MTOR: variants seen among roughly 807,000 people sequenced by gnomAD.
MTOR encodes serine/threonine-protein kinase mTOR.
MTOR carries 70 observed loss-of-function variants against 319.8 expected under a neutral mutation model. That is an observed-to-expected ratio of 0.22 (90% CI 0.18 to 0.27). The LOEUF is 0.27. Ranked by LOEUF, MTOR falls within the 10% of genes least tolerant of loss-of-function variation. The pLI is 1.00. For missense variants in MTOR, 1,890 were observed against 3,274.4 expected, an observed-to-expected ratio of 0.58 and a Z score of 10.32; for synonymous variants, 1,183 against 1,211.4, an observed-to-expected ratio of 0.98 and a Z score of 0.49.
chr1:11,116,978 TAAAA>T, intron 50 of MTOR, 22 bp downstream of exon 50: 1 of 1,568,134 alleles, frequency 6.4e-7, no homozygotes, highest in Non-Finnish European at 8.7e-7. Flanking sequence ...GAAAGAAGAC[TAAAA>T]AAACCAAATT....
intron 2 of MTOR, among the ~76,000 whole-genome samples, chr1:11,258,859 G>A (rs941760105): frequency 5.9e-5 from 9 of 152,150 alleles, no homozygotes; most frequent in African/African-American, 1.7e-4. Flanking sequence ...GGGATAAAAG[G>A]AGAAACAAGA....
chr1:11,133,890 A>AG lies in MTOR; in HGVS notation c.5246+460dup, dbSNP rs1392560866. Among the ~76,000 whole-genome samples, 1 of 152,118 alleles carries AG rather than the reference A, an allele frequency of 6.6e-6. No individual in the cohort carries two copies. The highest frequency in any genetic ancestry group is 1.9e-4 in the East Asian group (1 of 5,192). Reference sequence around the variant, plus strand: ...GCCTGGGCAACATTAAACTTGTAGGAGGAAATGCAGGCTCTATGCCTGTTC... The same window carrying AG: ...GCCTGGGCAACATTAAACTTGTAGGAGGGAAATGCAGGCTCTATGCCTGTTC... On this transcript the variant is annotated intron_variant, in intron 37 of 57. Transcript: ENST00000361445. The surrounding 1 kb of genome is among the most constrained non-coding windows in gnomAD (Gnocchi z 4.0).
At chr1:11,231,890 A>ATT (rs879698944) in intron 16 of MTOR, among the ~76,000 whole-genome samples, 1 of 145,846 alleles carries the variant, frequency 6.9e-6, no homozygotes, top group Non-Finnish European at 1.5e-5. Context: ...ATGCCCAGCT[A>ATT]TTTTTTTTTT....
Position 11,245,277 on chromosome 1 carries a change from T to C in MTOR, c.1226-1977A>G, listed in dbSNP as rs572917274. On this transcript the variant is annotated intron_variant, in intron 8 of 57. Coordinates refer to ENST00000361445, the MANE Select transcript of MTOR (RefSeq NM_004958.4). ...GCTTCTTGTCTATTTATTTCTTCTCTTCCATTGATGTTGGTCCCAAGTCCA... is the reference window on the plus strand; with the variant it reads ...GCTTCTTGTCTATTTATTTCTTCTCCTCCATTGATGTTGGTCCCAAGTCCA... Among the ~76,000 whole-genome samples, 5 of 152,332 alleles carry C rather than the reference T, an allele frequency of 3.3e-5. No individual in the cohort carries two copies. The East Asian group carries it at 7.7e-4, about 23-fold the overall frequency.
At position 11,146,472 on chromosome 1, in the gene MTOR, T is replaced by C. The variant is rs373740723; in HGVS notation, c.4686+204A>G. On this transcript the variant is annotated intron_variant, in intron 32 of 57. Transcript: ENST00000361445. ...CGAGACAGTAGCTTCCAGAACACAT[T>C]TGTCCCCCTCAGAACAATAAGTAGC... 3.5e-4 allele frequency among the ~76,000 whole-genome samples: 53 copies of C among 152,214 alleles called. No individual in the cohort carries two copies. In the South Asian group the frequency reaches 8.5e-3, roughly 24 times the overall value.
chr1:11,114,519 G>C (rs1642061151), intron 52 of MTOR, 66 bp from the exon 53 acceptor site: 2 of 1,600,390 alleles, frequency 1.2e-6, no homozygotes, highest in Non-Finnish European at 1.7e-6. Flanking sequence ...AAGCCGAGGG[G>C]GTCTGTTACC....
Position 11,253,882 on chromosome 1 carries a change from A to G in MTOR, c.797T>C (p.Leu266Ser). The G allele has an allele frequency of 6.2e-7, 1 of 1,614,124 alleles. No homozygotes were observed. The change falls in exon 6 of 58, where the codon TTG becomes TCG. Residue 266 changes from leucine to serine, a missense_variant. Physicochemically the swap from Leu to Ser is moderately radical, Grantham distance 145. Around this residue, in one of 15 missense-constraint regions of MTOR, gnomAD observed 418 missense variants for 543.1 expected, o/e 0.77. Transcript: ENST00000361445. ...GATTCGGACCAGCTCGTTAAGGATCAACAAGGCTCCATGGATCCGATCATC... is the reference window on the plus strand; with the variant it reads ...GATTCGGACCAGCTCGTTAAGGATCGACAAGGCTCCATGGATCCGATCATC... ...NRDDRIHGAL[L>S]ILNELVRISS...
intron 19 of MTOR, among the ~76,000 whole-genome samples, chr1:11,216,437 T>C (rs566021816): frequency 2.6e-5 from 4 of 152,112 alleles, no homozygotes; most frequent in Non-Finnish European, 5.9e-5. Context: ...GAGGACTGCT[T>C]GAGGCCAAGA....
At chr1:11,193,571 C>T (rs1645639756) in intron 28 of MTOR, 1 of 1,571,874 alleles carries the variant, frequency 6.4e-7, no homozygotes. Context: ...AGTATCCCCT[C>T]TGCTTCAGGT....
intron 19 of MTOR, among the ~76,000 whole-genome samples, chr1:11,221,046 G>A (rs910050401): frequency 4.6e-5 from 7 of 151,442 alleles, no homozygotes; most frequent in African/African-American, 1.7e-4. Context: ...CCAGGCTGAA[G>A]TGCAGTGGTC....
chr1:11,238,700 A>G (rs970306772), intron 11 of MTOR, 83 bp from the exon 12 acceptor site: 17 of 1,207,714 alleles, frequency 1.4e-5, no homozygotes, highest in Admixed American at 2.3e-5. Flanking sequence ...TGAATTTTCC[A>G]TTTTGAGGCT....
In MTOR at chr1:11,130,636, C is replaced by CGGCCGTGGTGGCGGCAGTGGT. The variant is rs1643098054; in HGVS notation, c.5485_5505dup (p.Thr1829_Ala1835dup). The CGGCCGTGGTGGCGGCAGTGGT allele has an allele frequency of 1.2e-6, 2 of 1,613,658 alleles. No homozygotes were observed. Among genetic ancestry groups the CGGCCGTGGTGGCGGCAGTGGT allele is most frequent in the Admixed American group, 1.7e-5 (1 of 59,962 alleles). The stretch of plus-strand genomic sequence containing the variant: ...GTGCTGGCAGTGGTGGTGGCAGTGG[C>CGGCCGTGGTGGCGGCAGTGGT]GGCCGTGGTGGCGGCAGTGGTGGCG... On this transcript the variant is annotated inframe_insertion, in exon 39 of 58. Coordinates refer to ENST00000361445, the MANE Select transcript of MTOR (RefSeq NM_004958.4).
At chr1:11,161,141 C>T (rs567177749) in intron 29 of MTOR, among the ~76,000 whole-genome samples, 18 of 152,316 alleles carry the variant, frequency 1.2e-4, no homozygotes, top group East Asian at 9.6e-4. Flanking sequence ...GATTATAACC[C>T]GTGCCTGGCT....
chr1:11,262,464 C>G lies in MTOR; in HGVS notation c.-34G>C, dbSNP rs956546674. The G allele has an allele frequency of 6.5e-6, 1 of 152,790 alleles. No individual in the cohort carries two copies. Among genetic ancestry groups the G allele is most frequent in the East Asian group, 1.9e-4 (1 of 5,200 alleles). The allele number at this position is 152,790 out of a possible 1,614,324, so 9.5% of individuals were successfully genotyped here. A position where few individuals can be genotyped will look rare whatever the true frequency, so the allele number is the denominator to read the frequency against. ...ACTCACCGCGCGGCTTCGGCCAAGGCCTCAGCTGCCGCCGCCAGCACCGGT... is the reference window on the plus strand; with the variant it reads ...ACTCACCGCGCGGCTTCGGCCAAGGGCTCAGCTGCCGCCGCCAGCACCGGT... On this transcript the variant is annotated 5_prime_UTR_variant, in exon 1 of 58. Coordinates refer to ENST00000361445, the MANE Select transcript of MTOR (RefSeq NM_004958.4).
At chr1:11,163,046 C>T (rs1221425185) in intron 29 of MTOR, among the ~76,000 whole-genome samples, 6 of 152,016 alleles carry the variant, frequency 3.9e-5, no homozygotes, top group South Asian at 2.1e-4. Context: ...ACCCATCTCA[C>T]GTGCAGACAC....
chr1:11,199,848 T>C lies in MTOR; in HGVS notation c.3945-145A>G. 2 of 770,920 alleles carry C rather than the reference T, an allele frequency of 2.6e-6. No homozygotes were observed. Among genetic ancestry groups the C allele is most frequent in the South Asian group, 3.8e-5 (2 of 53,044 alleles). 47.8% of individuals were successfully genotyped at this position (770,920 alleles called of 1,614,324 possible). ...ACAGACCAGTGCTGTCCAAGAGAAT[T>C]TTCCTGTCCAATATGGTAGCCAGTG... is the stretch of plus-strand genomic sequence containing the variant. On this transcript the variant is annotated intron_variant, in intron 26 of 57. Coordinates refer to ENST00000361445, the MANE Select transcript of MTOR (RefSeq NM_004958.4). This position sits in a 1 kb window ranked among gnomAD's most constrained non-coding sequence, Gnocchi z 4.5.
chr1:11,180,035 C>T (rs954716298), intron 28 of MTOR, among the ~76,000 whole-genome samples: 1 of 152,198 alleles, frequency 6.6e-6, no homozygotes, highest in African/African-American at 2.4e-5. Context: ...CCTTGGCCTC[C>T]TGAGTAGCTG....
rs750596275 is a variant in MTOR at position 11,128,554 on chromosome 1, TG to T, written c.5812-3del. 2 of 1,613,812 alleles carry T rather than the reference TG, an allele frequency of 1.2e-6. No homozygotes were observed. Among genetic ancestry groups the T allele is most frequent in the Non-Finnish European group, 1.7e-6 (2 of 1,179,686 alleles). ...TCTTGCAATGAGCTGAGGTATAACCTGGTATTCAAAAAGACACAGTATGTAG... is the reference window on the plus strand; with the variant it reads ...TCTTGCAATGAGCTGAGGTATAACCTGTATTCAAAAAGACACAGTATGTAG... On this transcript the variant is annotated splice_polypyrimidine_tract_variant and splice_region_variant and intron_variant, in intron 41 of 57. Coordinates refer to ENST00000361445, the MANE Select transcript of MTOR (RefSeq NM_004958.4). The surrounding 1 kb of genome is among the most constrained non-coding windows in gnomAD (Gnocchi z 5.3).
chr1:11,206,866 C>G (rs1364460003), intron 25 of MTOR, among the ~76,000 whole-genome samples: 1 of 152,186 alleles, frequency 6.6e-6, no homozygotes, highest in Non-Finnish European at 1.5e-5. Context: ...TTCAGACAGA[C>G]AGTAAAGCTG....
Sources: allele counts gnomAD v4.1 joint callset (sites outside exome capture counted in the v4.1 genomes callset), GRCh38; gene constraint gnomAD v4.1.1; regional missense constraint gnomAD v4.1.1; non-coding constraint Gnocchi (gnomAD v3.1); transcripts MANE v1.5; gene names NCBI Gene and HGNC (gene_info 2026-07-23, HGNC 2026-07-21).